KDM7A: variants seen among roughly 807,000 people sequenced by gnomAD.
KDM7A encodes lysine demethylase 7A.
Under a neutral mutation model 114.8 loss-of-function variants are expected in KDM7A, and 28 were observed. That is an observed-to-expected ratio of 0.24 (90% CI 0.18 to 0.33). The LOEUF is 0.33. Among genes scored for constraint, KDM7A ranks in the 10% least tolerant of loss-of-function variants. The pLI is 1.00. For synonymous variants in KDM7A, 423 were observed against 397.8 expected (o/e 1.06, Z -0.75); for missense variants, 942 against 1,142.5 (o/e 0.82, Z 2.53).
At chr7:140,111,015 T>C (rs1562949063) in intron 11 of KDM7A, 80 bp downstream of exon 11, 1 of 781,576 alleles carries the variant, frequency 1.3e-6, no homozygotes. Flanking sequence ...TTTTTAAATA[T>C]TTGTAGAGAG....
chr7:140,163,830 C>T (rs1794545756), intron 1 of KDM7A, among the ~76,000 whole-genome samples: 1 of 152,006 alleles, frequency 6.6e-6, no homozygotes, highest in African/African-American at 2.4e-5. Flanking sequence ...TTTTGCCTCT[C>T]CTACACTGTA....
chr7:140,112,905 T>C (rs561278713), intron 10 of KDM7A, among the ~76,000 whole-genome samples: 40 of 152,248 alleles, frequency 2.6e-4, no homozygotes, highest in Non-Finnish European at 4.9e-4. Flanking sequence ...AACTAGCTCA[T>C]ATTTTCATGA....
intron 4 of KDM7A, among the ~76,000 whole-genome samples, chr7:140,128,936 T>C (rs1461914253): frequency 6.6e-6 from 1 of 152,244 alleles, no homozygotes; most frequent in Non-Finnish European, 1.5e-5. Flanking sequence ...CTCATGTCTT[T>C]CTGTTTCTTT....
At chr7:140,109,312 T>C (rs965782261) in intron 11 of KDM7A, among the ~76,000 whole-genome samples, 5 of 152,320 alleles carry the variant, frequency 3.3e-5, no homozygotes, top group Admixed American at 2.6e-4. Context: ...AGTACCTCAG[T>C]TGGAAATGCA....
intron 1 of KDM7A, among the ~76,000 whole-genome samples, chr7:140,170,718 A>T (rs555990281): frequency 6.6e-6 from 1 of 152,286 alleles, no homozygotes; most frequent in African/African-American, 2.4e-5. Flanking sequence ...GAGATTCGAT[A>T]TTTATCTCTC....
intron 18 of KDM7A, among the ~76,000 whole-genome samples, chr7:140,093,804 A>T (rs921792298): frequency 6.6e-6 from 1 of 152,222 alleles, no homozygotes; most frequent in Non-Finnish European, 1.5e-5. Context: ...ATGGGTTGGC[A>T]GCCAGTGGTT....
chr7:140,092,242 C>T (rs1380801225), intron 18 of KDM7A, 165 bp from the exon 19 acceptor site: 2 of 646,622 alleles, frequency 3.1e-6, no homozygotes, highest in East Asian at 5.5e-5. Context: ...GATGTCGTCT[C>T]AGTAGCTCTG....
In KDM7A at chr7:140,094,128, G is replaced by GAAGGATACCATGTCA. The variant is rs1818065997; in HGVS notation, c.2384_2385insTGACATGGTATCCTT (p.Val795_Lys796insAspMetValSerPhe). The GAAGGATACCATGTCA allele has an allele frequency of 6.3e-7, 1 of 1,584,286 alleles. No homozygotes were observed. The highest frequency in any genetic ancestry group is 8.7e-7 in the Non-Finnish European group (1 of 1,152,902). On this transcript the variant is annotated inframe_insertion, in exon 18 of 20. Transcript: ENST00000397560. ...TCCTCAAGTCTGGATCTTCAGTCTT[G>GAAGGATACCATGTCA]ACATGGTATCCTAAAGAGAAGTTTT...
chr7:140,113,189 C>T (rs73734799), intron 10 of KDM7A, among the ~76,000 whole-genome samples: 3,220 of 152,318 alleles, frequency 0.021, 119 homozygotes, highest in African/African-American at 0.073. Flanking sequence ...GCTCTCAGCA[C>T]ACTATAGCAC....
Position 140,090,244 on chromosome 7 carries a change from T to C in KDM7A, c.*850A>G, listed in dbSNP as rs560997759. On this transcript the variant is annotated 3_prime_UTR_variant, in exon 20 of 20. Coordinates refer to ENST00000397560, the MANE Select transcript of KDM7A (RefSeq NM_030647.2). Reference sequence around the variant, plus strand: ...AAATGCAAAAGCCTATTTTTTTTAATGTTGAGAAGAAAATCACAATGTCAA... The same window carrying C: ...AAATGCAAAAGCCTATTTTTTTTAACGTTGAGAAGAAAATCACAATGTCAA... 2 of 152,356 alleles carry C rather than the reference T, an allele frequency of 1.3e-5. No individual in the cohort carries two copies. The highest frequency in any genetic ancestry group is 4.8e-5 in the African/African-American group (2 of 41,584). The allele number at this position is 152,356 out of a possible 1,614,324, so 9.4% of individuals were successfully genotyped here. A position where few individuals can be genotyped will look rare whatever the true frequency, so the allele number is the denominator to read the frequency against.
chr7:140,159,122 A>G (rs1343442336), intron 1 of KDM7A, among the ~76,000 whole-genome samples: 1 of 152,208 alleles, frequency 6.6e-6, no homozygotes, highest in Non-Finnish European at 1.5e-5. Context: ...AGGTGGACAG[A>G]TCACTTGAGG....
rs184869670 is a variant in KDM7A, at chr7:140,107,891, C to T, written c.1428+3204G>A. Reference sequence around the variant, plus strand: ...TTTTCCAACTTGGTTCCATTCTCCCCGTCACTTTCAGGTACACCTATCAGA... The same window carrying T: ...TTTTCCAACTTGGTTCCATTCTCCCTGTCACTTTCAGGTACACCTATCAGA... On this transcript the variant is annotated intron_variant, in intron 11 of 19. Coordinates refer to ENST00000397560, the MANE Select transcript of KDM7A (RefSeq NM_030647.2). Among the ~76,000 whole-genome samples the T allele has an allele frequency of 2.0e-3, 299 of 152,278 alleles. 1 individual carries two copies. The highest frequency in any genetic ancestry group is 6.8e-3 in the African/African-American group (283 of 41,578).
intron 1 of KDM7A, among the ~76,000 whole-genome samples, chr7:140,156,186 A>AT (rs567320497): frequency 1.6e-4 from 25 of 152,112 alleles, no homozygotes; most frequent in African/African-American, 5.5e-4. Context: ...AAGGCAGTGT[A>AT]TTTTTTTTGA....
At chr7:140,123,258 T>C (rs956218453) in intron 7 of KDM7A, among the ~76,000 whole-genome samples, 1 of 152,176 alleles carries the variant, frequency 6.6e-6, no homozygotes, top group Admixed American at 6.5e-5. Context: ...GTGCAGCCAT[T>C]TGGAGAACGG....
rs1284226196 is a variant in KDM7A, at chr7:140,090,196, CCAGATATCAT to C, written c.*888_*897del. 6 of 152,108 alleles carry C rather than the reference CCAGATATCAT, an allele frequency of 3.9e-5. No individual in the cohort carries two copies. Among genetic ancestry groups the C allele is most frequent in the African/African-American group, 1.2e-4 (5 of 41,478 alleles). The allele number at this position is 152,108 out of a possible 1,614,324, so 9.4% of individuals were successfully genotyped here. A position where few individuals can be genotyped will look rare whatever the true frequency, so the allele number is the denominator to read the frequency against. On this transcript the variant is annotated 3_prime_UTR_variant, in exon 20 of 20. Coordinates refer to ENST00000397560, the MANE Select transcript of KDM7A (RefSeq NM_030647.2). ...ATATTAAAGCTGCTCTCTTTGGGAC[CCAGATATCAT>C]CAGCAGAAATGAAAATGCAAAAGCC... is the stretch of plus-strand genomic sequence containing the variant.
Position 140,176,941 on chromosome 7 carries a change from T to TA in KDM7A, c.-5dup. On this transcript the variant is annotated 5_prime_UTR_variant, in exon 1 of 20. Coordinates refer to ENST00000397560, the MANE Select transcript of KDM7A (RefSeq NM_030647.2). The surrounding 1 kb of genome is among the most constrained non-coding windows in gnomAD (Gnocchi z 4.4). ...CCGCCGCCGCCGCTCCGGCCATCTTTAAAAAACACACACACGCTCGCTCGC... is the reference window on the plus strand; with the variant it reads ...CCGCCGCCGCCGCTCCGGCCATCTTTAAAAAAACACACACACGCTCGCTCGC... 1 of 1,148,316 alleles carries TA rather than the reference T, an allele frequency of 8.7e-7. No individual in the cohort carries two copies. The allele number at this position is 1,148,316 out of a possible 1,614,324, so 71.1% of individuals were successfully genotyped here. A position where few individuals can be genotyped will look rare whatever the true frequency, so the allele number is the denominator to read the frequency against.
chr7:140,170,993 A>G (rs2189852), intron 1 of KDM7A, among the ~76,000 whole-genome samples: 106,776 of 151,776 alleles, frequency 0.7, 39,106 homozygotes, highest in African/African-American at 0.92. Flanking sequence ...GAGAGGCTGA[A>G]ACAGGAGGAT....
chr7:140,091,007 C>A lies in KDM7A; in HGVS notation c.*87G>T. 1.1e-6 allele frequency: 1 copy of A among 919,788 alleles called. No individual in the cohort carries two copies. The highest frequency in any genetic ancestry group is 1.6e-5 in the African/African-American group (1 of 60,912). The allele number at this position is 919,788 out of a possible 1,614,324, so 57.0% of individuals were successfully genotyped here. ...GTGTTCTTACTATACACACAAACTG[C>A]TCCAGGCAGGGGGACAGCGGAAGCT... On this transcript the variant is annotated 3_prime_UTR_variant, in exon 20 of 20. Coordinates refer to ENST00000397560, the MANE Select transcript of KDM7A (RefSeq NM_030647.2).
At chr7:140,103,510 G>A (rs183217374) in intron 11 of KDM7A, among the ~76,000 whole-genome samples, 9 of 149,976 alleles carry the variant, frequency 6.0e-5, no homozygotes, top group African/African-American at 2.0e-4. Flanking sequence ...CCCACCCTGT[G>A]TCCATGTGTT....
Sources: gnomAD v4.1 joint callset for allele counts (sites outside exome capture counted in the v4.1 genomes callset) on GRCh38, gnomAD v4.1.1 for gene constraint, Gnocchi (gnomAD v3.1) non-coding constraint, MANE v1.5 for transcripts, NCBI Gene and HGNC (gene_info 2026-07-23, HGNC 2026-07-21) for gene names.